The following FYN variants were observed in gnomAD, a reference collection of about 807,000 sequenced individuals.
FYN encodes the protein FYN proto-oncogene, Src family tyrosine kinase, also known as tyrosine-protein kinase Fyn.
Under a neutral mutation model 70.2 loss-of-function variants are expected in FYN, and 10 were observed. That is an observed-to-expected ratio of 0.14 (90% CI 0.09 to 0.24). The LOEUF is 0.24. Ranked by LOEUF, FYN falls within the 10% of genes least tolerant of loss-of-function variation. The probability of loss-of-function intolerance (pLI) is 1.00; values close to 1 mark genes in which losing one functional copy is unlikely to be tolerated. For missense variants in FYN, 319 were observed against 673.1 expected (o/e 0.47, Z 5.82); for synonymous variants, 236 against 248.6 (o/e 0.95, Z 0.48).
chr6:111,692,112 C>T (rs574854925), intron 12 of FYN, among the ~76,000 whole-genome samples: 2 of 149,340 alleles, frequency 1.3e-5, no homozygotes, highest in African/African-American at 4.9e-5. Context: ...CCCCCCCCCC[C>T]AGTTCAGCTC....
Position 111,846,635 on chromosome 6 carries a change from G to C in FYN, c.-122-6C>G, listed in dbSNP as rs1312562565. The C allele has an allele frequency of 5.1e-6, 2 of 394,262 alleles. No homozygotes were observed. The highest frequency in any genetic ancestry group is 6.4e-4 in the Middle Eastern group (1 of 1,558). The allele number at this position is 394,262 out of a possible 1,614,324, so 24.4% of individuals were successfully genotyped here. A position where few individuals can be genotyped will look rare whatever the true frequency, so the allele number is the denominator to read the frequency against. On this transcript the variant is annotated splice_polypyrimidine_tract_variant and splice_region_variant and intron_variant, in intron 1 of 13. Coordinates refer to ENST00000354650, the MANE Select transcript of FYN (RefSeq NM_002037.5). ...ATCCTGCTTCTTCAAAAAAACTGTA[G>C]AAGAAGAAAAAAAAAAGTGAGACAT...
At position 111,719,919 on chromosome 6, in the gene FYN, T is replaced by G. The variant is rs1391967192; in HGVS notation, c.133A>C (p.Thr45Pro). The change falls in exon 4 of 14, where the codon ACC becomes CCC. Residue 45 changes from threonine (T) to proline (P), a missense_variant. Coordinates refer to ENST00000354650, the MANE Select transcript of FYN (RefSeq NM_002037.5). ...AAGTTGTTGTAGTTGGGGATGGAGGTCACACCGAAGCTGGGGTAGTGCTGA... is the reference window on the plus strand; with the variant it reads ...AAGTTGTTGTAGTTGGGGATGGAGGGCACACCGAAGCTGGGGTAGTGCTGA... ...TPQHYPSFGV[T>P]SIPNYNNFHA... 14 of 1,613,924 alleles carry G rather than the reference T, an allele frequency of 8.7e-6. No individual in the cohort carries two copies. Among genetic ancestry groups the G allele is most frequent in the Non-Finnish European group, 1.0e-5 (12 of 1,180,002 alleles).
Position 111,719,956 on chromosome 6 carries a change from T to C in FYN, c.96A>G (p.Thr32=). 1 of 1,614,204 alleles carries C rather than the reference T, an allele frequency of 6.2e-7. No individual in the cohort carries two copies. The highest frequency in any genetic ancestry group is 8.5e-7 in the Non-Finnish European group (1 of 1,180,028). The part of the protein sequence containing the change: ...LNQSSGYRYG[T]DPTPQHYPSF... ...TGGGGTAGTGCTGAGGGGTGGGGTC[T>C]GTGCCATAGCGGTACCCAGAGCTCT... Residue 32 remains threonine (T), a synonymous_variant, in exon 4 of 14, where the codon ACA becomes ACG. Transcript: ENST00000354650.
In FYN at chr6:111,707,117, C is replaced by T. The variant is rs546348116; in HGVS notation, c.443+805G>A. 1.2e-3 allele frequency among the ~76,000 whole-genome samples: 176 copies of T among 152,272 alleles called. 2 individuals are homozygous for T. The highest frequency in any genetic ancestry group is 8.7e-3 in the South Asian group (42 of 4,820). On this transcript the variant is annotated intron_variant, in intron 6 of 13. Coordinates refer to ENST00000354650, the MANE Select transcript of FYN (RefSeq NM_002037.5). ...CTTGGTGACTGACTTTTCTCAACTT[C>T]CTTTTTAGAGAGGCAAGACCCAAGG...
chr6:111,867,350 G>A (rs1447392759), intron 1 of FYN, among the ~76,000 whole-genome samples: 1 of 151,472 alleles, frequency 6.6e-6, no homozygotes, highest in South Asian at 2.1e-4. Context: ...AGCTACTCGG[G>A]AGGCTGAGGC....
intron 2 of FYN, among the ~76,000 whole-genome samples, chr6:111,844,505 T>C (rs1773460002): frequency 6.6e-6 from 1 of 152,240 alleles, no homozygotes. Flanking sequence ...AAAGTGGAAC[T>C]TCTAGAATAG....
chr6:111,869,844 T>C (rs1173733639), intron 1 of FYN, among the ~76,000 whole-genome samples: 1 of 152,230 alleles, frequency 6.6e-6, no homozygotes, highest in Non-Finnish European at 1.5e-5. Flanking sequence ...CATGGGATTA[T>C]TGAGTAGGAA....
intron 4 of FYN, among the ~76,000 whole-genome samples, chr6:111,717,447 T>G (rs558884624): frequency 6.6e-6 from 1 of 152,016 alleles, no homozygotes; most frequent in Non-Finnish European, 1.5e-5. Flanking sequence ...CCTACAGAAA[T>G]GACAGGGAGC....
At chr6:111,729,954 TTTAATA>T (rs900976006) in intron 3 of FYN, among the ~76,000 whole-genome samples, 2 of 152,252 alleles carry the variant, frequency 1.3e-5, no homozygotes, top group African/African-American at 4.8e-5. Flanking sequence ...GAAAGTTCCC[TTTAATA>T]TTATCAGTTA....
intron 13 of FYN, among the ~76,000 whole-genome samples, chr6:111,667,224 T>A (rs188545686): frequency 1.3e-5 from 2 of 152,218 alleles, no homozygotes; most frequent in East Asian, 3.9e-4. Context: ...CTTCCCTTTT[T>A]CCTTTTAGAT....
chr6:111,708,333 G>T (rs1800201496), intron 5 of FYN: 1 of 302,698 alleles, frequency 3.3e-6, no homozygotes, highest in South Asian at 4.4e-5. Context: ...TGGATGGATG[G>T]AAAAGGAATC....
chr6:111,705,487 A>T (rs1800038787), intron 6 of FYN, among the ~76,000 whole-genome samples: 1 of 151,834 alleles, frequency 6.6e-6, no homozygotes, highest in Non-Finnish European at 1.5e-5. Context: ...TCCAGGCTCA[A>T]GCAATCTTCC....
chr6:111,798,477 C>T (rs1771888528), intron 2 of FYN: 1 of 152,184 alleles, frequency 6.6e-6, no homozygotes, highest in African/African-American at 2.4e-5. Context: ...TTACTGAGTG[C>T]CTGTCATGCT....
intron 12 of FYN, among the ~76,000 whole-genome samples, chr6:111,676,972 A>G (rs1407898595): frequency 6.6e-6 from 1 of 152,240 alleles, no homozygotes; most frequent in East Asian, 1.9e-4. Flanking sequence ...TCATTTTATA[A>G]TCTACAATAA....
intron 3 of FYN, among the ~76,000 whole-genome samples, chr6:111,721,799 A>T (rs1444624335): frequency 6.6e-6 from 1 of 152,118 alleles, no homozygotes; most frequent in East Asian, 1.9e-4. Flanking sequence ...CAAGTTGGTT[A>T]AATGGTCCCC....
chr6:111,839,757 G>A (rs1179095747), intron 2 of FYN, among the ~76,000 whole-genome samples: 2 of 152,142 alleles, frequency 1.3e-5, no homozygotes, highest in South Asian at 2.1e-4. Context: ...GGGTTTTCAG[G>A]TACTGAAGGG....
At chr6:111,727,073 G>A (rs377537789) in intron 3 of FYN, among the ~76,000 whole-genome samples, 1 of 152,154 alleles carries the variant, frequency 6.6e-6, no homozygotes, top group South Asian at 2.1e-4. Flanking sequence ...AGCAGTGTGA[G>A]AATGGACTAG....
chr6:111,678,045 C>T (rs1798610811), intron 12 of FYN, among the ~76,000 whole-genome samples: 1 of 150,940 alleles, frequency 6.6e-6, no homozygotes. Context: ...TCTGTCATTT[C>T]TTACTGAATT....
intron 2 of FYN, among the ~76,000 whole-genome samples, chr6:111,792,289 C>T (rs780806082): frequency 6.6e-6 from 1 of 152,142 alleles, no homozygotes; most frequent in Non-Finnish European, 1.5e-5. Flanking sequence ...AAAACCACAA[C>T]GCATTACCAA....
Sources: allele counts gnomAD v4.1 joint callset (sites outside exome capture counted in the v4.1 genomes callset), GRCh38; gene constraint gnomAD v4.1.1; transcripts MANE v1.5; gene names NCBI Gene and HGNC (gene_info 2026-07-23, HGNC 2026-07-21).